EXOSC7: variants seen among roughly 807,000 people sequenced by gnomAD.
EXOSC7 encodes the protein exosome component 7, also known as exosome complex component RRP42.
EXOSC7 carries 25 observed loss-of-function variants against 34.3 expected under a neutral mutation model. The observed-to-expected ratio is 0.73, with a 90% CI of 0.53 to 1.02. The LOEUF is 1.02. Ranked by LOEUF, EXOSC7 falls within the 50% of genes least tolerant of loss-of-function variation. EXOSC7 has a pLI of 0.00. For synonymous variants in EXOSC7, 130 were observed against 143.0 expected (o/e 0.91, Z 0.65); for missense variants, 370 against 368.5 (o/e 1.00, Z -0.03).
intron 7 of EXOSC7, among the ~76,000 whole-genome samples, chr3:45,009,853 G>A (rs564963383): frequency 6.6e-6 from 1 of 152,106 alleles, no homozygotes; most frequent in African/African-American, 2.4e-5. Flanking sequence ...GCCCCCGAAG[G>A]CCTTTTTGAC....
Position 45,007,570 on chromosome 3 carries a change from A to G in EXOSC7, c.766A>G (p.Met256Val), listed in dbSNP as rs1462010202. ...GGACCCAGAGAGCATCTTCGAGATG[A>G]TGGAGGTGAGGCCTTAGTTCTGAGG... ...SLDPESIFEM[M>V]ETGKRVGKVL... Residue 256 changes from methionine to valine, a missense_variant, in exon 7 of 8, where the codon ATG (methionine) becomes GTG (valine). Met to Val is a conservative substitution (Grantham distance 21). Transcript: ENST00000265564. 2 of 1,606,144 alleles carry G rather than the reference A, an allele frequency of 1.2e-6. No individual in the cohort carries two copies. Among genetic ancestry groups the G allele is most frequent in the Admixed American group, 1.7e-5 (1 of 59,460 alleles).
intron 4 of EXOSC7, among the ~76,000 whole-genome samples, chr3:44,997,586 T>C (rs1439003544): frequency 6.6e-6 from 1 of 152,148 alleles, no homozygotes; most frequent in Non-Finnish European, 1.5e-5. Context: ...TTTAAGCAGG[T>C]TGGTACATTC....
intron 3 of EXOSC7, among the ~76,000 whole-genome samples, chr3:44,991,572 C>T (rs6780675): frequency 0.035 from 5,373 of 152,258 alleles, 298 homozygotes; most frequent in African/African-American, 0.12. Flanking sequence ...GAGGGTGTTG[C>T]CCTCAGATGC....
chr3:45,005,453 G>A (rs1707008953), intron 6 of EXOSC7, 39 bp downstream of exon 6: 3 of 1,605,554 alleles, frequency 1.9e-6, no homozygotes, highest in African/African-American at 1.3e-5. Flanking sequence ...TTCCCTGTGG[G>A]TGTGGGTCTC....
chr3:44,995,263 G>A lies in EXOSC7; in HGVS notation c.255-1824G>A, dbSNP rs1393127991. Among the ~76,000 whole-genome samples, 3 of 152,208 alleles carry A rather than the reference G, an allele frequency of 2.0e-5. No individual in the cohort carries two copies. In the South Asian group the frequency reaches 6.2e-4, roughly 32 times the overall value. Reference sequence around the variant, plus strand: ...CTCCGAAAGTGCTGGGATTGCAGGCGTGAGCCACCACGCCTGGCCAGGGGC... The same window carrying A: ...CTCCGAAAGTGCTGGGATTGCAGGCATGAGCCACCACGCCTGGCCAGGGGC... On this transcript the variant is annotated intron_variant, in intron 3 of 7. Transcript: ENST00000265564.
chr3:44,978,234 G>C (rs1279483327), intron 1 of EXOSC7, among the ~76,000 whole-genome samples: 1 of 152,230 alleles, frequency 6.6e-6, no homozygotes, highest in Non-Finnish European at 1.5e-5. Context: ...TGAGATGGGA[G>C]GATTGCTTGA....
intron 1 of EXOSC7, among the ~76,000 whole-genome samples, chr3:44,978,840 T>C (rs1706195178): frequency 3.9e-5 from 6 of 152,210 alleles, no homozygotes; most frequent in Admixed American, 3.9e-4. Context: ...TCATGGATCT[T>C]GGAAGGCAAT....
At chr3:45,006,889 A>AT (rs924966439) in intron 6 of EXOSC7, among the ~76,000 whole-genome samples, 3 of 144,782 alleles carry the variant, frequency 2.1e-5, no homozygotes, top group African/African-American at 5.1e-5. Context: ...ATATCTGGCT[A>AT]TTTTTTTGTA....
At chr3:44,981,295 C>A (rs1004079280) in intron 1 of EXOSC7, among the ~76,000 whole-genome samples, 1 of 152,162 alleles carries the variant, frequency 6.6e-6, no homozygotes, top group African/African-American at 2.4e-5. Flanking sequence ...TCAGACTGAG[C>A]AGGCACCTTC....
intron 3 of EXOSC7, among the ~76,000 whole-genome samples, chr3:44,992,190 C>G (rs1262544537): frequency 6.6e-6 from 1 of 152,194 alleles, no homozygotes; most frequent in African/African-American, 2.4e-5. Context: ...GGCATAGGGC[C>G]TCTGCTGGAG....
intron 5 of EXOSC7, among the ~76,000 whole-genome samples, chr3:45,003,407 A>G (rs796962464): frequency 6.6e-6 from 1 of 152,080 alleles, no homozygotes; most frequent in Non-Finnish European, 1.5e-5. Context: ...ATAGGATATT[A>G]CTTAGTAGAA....
intron 7 of EXOSC7, among the ~76,000 whole-genome samples, chr3:45,008,080 G>A (rs1707105167): frequency 6.6e-6 from 1 of 152,170 alleles, no homozygotes; most frequent in Non-Finnish European, 1.5e-5. Context: ...CTGGAGTTGG[G>A]TTGGGTTGCC....
At chr3:44,989,448 C>T (rs1706510819) in intron 2 of EXOSC7, 102 bp from the exon 3 acceptor site, 6 of 994,916 alleles carry the variant, frequency 6.0e-6, no homozygotes, top group Admixed American at 2.0e-5. Flanking sequence ...TAGCACTGCT[C>T]CTAAAAGAGT....
At chr3:44,983,969 A>C (rs535645279) in intron 1 of EXOSC7, among the ~76,000 whole-genome samples, 8 of 152,154 alleles carry the variant, frequency 5.3e-5, no homozygotes, top group African/African-American at 1.9e-4. Flanking sequence ...AAAATTATGC[A>C]TGCTTGGAAA....
In EXOSC7 at chr3:45,005,349, G is replaced by A. The variant is rs1275412601; in HGVS notation, c.550G>A (p.Asp184Asn). 4.3e-6 allele frequency: 7 copies of A among 1,613,998 alleles called. No homozygotes were observed. The highest frequency in any genetic ancestry group is 5.9e-6 in the Non-Finnish European group (7 of 1,179,854). ...EEGSKDIELS[D>N]DPYDCIRLSV... ...GGGGTCGAAGGACATTGAATTGTCA[G>A]ATGACCCTTATGACTGCATACGACT... Residue 184 changes from aspartate (D) to asparagine (N), a missense_variant, in exon 6 of 8, where the codon GAT becomes AAT. Around this residue, in one of 3 missense-constraint regions of EXOSC7, gnomAD observed 255 missense variants for 246.4 expected, o/e 1.03. Transcript: ENST00000265564.
chr3:45,010,079 A>G (rs892993358), intron 7 of EXOSC7, among the ~76,000 whole-genome samples: 4 of 152,190 alleles, frequency 2.6e-5, no homozygotes, highest in Admixed American at 2.0e-4. Flanking sequence ...TTTTATCTCA[A>G]CATTGTTGAG....
At chr3:45,011,197 C>G (rs1707200979) in intron 7 of EXOSC7, 38 bp from the exon 8 acceptor site, 2 of 1,296,954 alleles carry the variant, frequency 1.5e-6, no homozygotes, top group Non-Finnish European at 2.2e-6. Flanking sequence ...GTGTGCCTTA[C>G]AAGGGGGTGT....
intron 4 of EXOSC7, among the ~76,000 whole-genome samples, chr3:45,000,597 A>G (rs1461002951): frequency 6.6e-6 from 1 of 152,260 alleles, no homozygotes; most frequent in Non-Finnish European, 1.5e-5. Context: ...GCTCATGGGC[A>G]GAAGCTTGTC....
chr3:44,985,312 A>G (rs946960948), intron 1 of EXOSC7, among the ~76,000 whole-genome samples: 4 of 152,186 alleles, frequency 2.6e-5, no homozygotes, highest in East Asian at 1.9e-4. Context: ...CAGACTCAAG[A>G]TAGGGATATT....
Sources: gnomAD v4.1 joint callset for allele counts (sites outside exome capture counted in the v4.1 genomes callset) on GRCh38, gnomAD v4.1.1 for gene constraint, gnomAD v4.1.1 regional missense constraint, MANE v1.5 for transcripts, NCBI Gene and HGNC (gene_info 2026-07-23, HGNC 2026-07-21) for gene names.